ANKRD13C: variants seen among roughly 807,000 people sequenced by gnomAD.
ANKRD13C encodes the protein ankyrin repeat domain 13C, also known as ankyrin repeat domain-containing protein 13C.
Under a neutral mutation model 65.5 loss-of-function variants are expected in ANKRD13C, and 16 were observed. The observed-to-expected ratio is 0.24, with a 90% confidence interval of 0.17 to 0.37. The LOEUF (loss-of-function observed/expected upper bound fraction) is 0.37. ANKRD13C is among the 10% of genes least tolerant of loss of function. ANKRD13C has a pLI of 1.00. For synonymous variants in ANKRD13C, 235 were observed against 238.7 expected (o/e 0.98, Z 0.14); for missense variants, 503 against 655.9 (o/e 0.77, Z 2.55).
At chr1:70,302,015 T>A (rs1413901093) in intron 6 of ANKRD13C, among the ~76,000 whole-genome samples, 3 of 152,180 alleles carry the variant, frequency 2.0e-5, no homozygotes, top group Non-Finnish European at 4.4e-5. Context: ...ACTGTAAGAA[T>A]TCATTACTCT....
At chr1:70,346,320 A>T (rs1047703296) in intron 1 of ANKRD13C, among the ~76,000 whole-genome samples, 1 of 152,204 alleles carries the variant, frequency 6.6e-6, no homozygotes. Context: ...TTTAATTTTT[A>T]AAAATTAAAA....
chr1:70,306,316 A>C, intron 5 of ANKRD13C, 26 bp from the exon 6 acceptor site: 2 of 1,441,498 alleles, frequency 1.4e-6, no homozygotes, highest in South Asian at 2.9e-5. Context: ...CAAAAGGTAA[A>C]AAATAACTAC....
intron 3 of ANKRD13C, among the ~76,000 whole-genome samples, chr1:70,318,977 G>T (rs997420433): frequency 6.6e-6 from 1 of 151,916 alleles, no homozygotes; most frequent in Non-Finnish European, 1.5e-5. Flanking sequence ...CACCACGCCC[G>T]GCTAAACCTT....
In ANKRD13C at chr1:70,354,362, C is replaced by A. The variant is rs751986704; in HGVS notation, c.47G>T (p.Ser16Ile). The change falls in exon 1 of 13, where the codon AGC becomes ATC. Residue 16 changes from serine (S) to isoleucine (I), a missense_variant. Transcript: ENST00000370944. Reference sequence around the variant, plus strand: ...CTCCAGCAGGTCCCCTTCTTCTTTGCTGGGCTTGTGGTCCCTCCGCAGTGA... The same window carrying A: ...CTCCAGCAGGTCCCCTTCTTCTTTGATGGGCTTGTGGTCCCTCCGCAGTGA... ...IRSLRRDHKP[S>I]KEEGDLLEPG... 6.2e-7 allele frequency: 1 copy of A among 1,614,130 alleles called. No homozygotes were observed. Among genetic ancestry groups the A allele is most frequent in the Non-Finnish European group, 8.5e-7 (1 of 1,180,010 alleles).
chr1:70,346,975 C>CCT (rs1682554731), intron 1 of ANKRD13C, among the ~76,000 whole-genome samples: 1 of 151,608 alleles, frequency 6.6e-6, no homozygotes, highest in Non-Finnish European at 1.5e-5. Context: ...GCCTGTAGTC[C>CCT]CAGCTACTCG....
chr1:70,302,252 T>C (rs1680387562), intron 6 of ANKRD13C, among the ~76,000 whole-genome samples: 1 of 151,906 alleles, frequency 6.6e-6, no homozygotes, highest in African/African-American at 2.4e-5. Flanking sequence ...GGAAGTATGG[T>C]TGCCTTATGT....
chr1:70,319,607 C>CAAAAAAA (rs1180827448), intron 3 of ANKRD13C, among the ~76,000 whole-genome samples: 14 of 121,174 alleles, frequency 1.2e-4, no homozygotes, highest in African/African-American at 4.5e-4. Context: ...AACTCCATCT[C>CAAAAAAA]AAAAAAAAAA....
chr1:70,354,488 T>G lies in ANKRD13C; in HGVS notation c.-80A>C. 4 of 1,499,702 alleles carry G rather than the reference T, an allele frequency of 2.7e-6. No individual in the cohort carries two copies. The highest frequency in any genetic ancestry group is 2.7e-6 in the Non-Finnish European group (3 of 1,127,754). 92.9% of individuals were successfully genotyped at this position (1,499,702 alleles called of 1,614,324 possible). On this transcript the variant is annotated 5_prime_UTR_variant, in exon 1 of 13. An upstream open reading frame in the 5' UTR loses its in-frame stop. Transcript: ENST00000370944. ...CTGGCGCTGCGGCGGCACAAGGCGA[T>G]TAGAGCGGTGGCCAAGAGCCTCCAG...
At chr1:70,334,652 CG>C (rs1372502411) in intron 2 of ANKRD13C, among the ~76,000 whole-genome samples, 5 of 151,948 alleles carry the variant, frequency 3.3e-5, no homozygotes, top group African/African-American at 1.2e-4. Context: ...AGGCCAGGCA[CG>C]GTGGCTCATG....
intron 9 of ANKRD13C, among the ~76,000 whole-genome samples, chr1:70,282,193 T>C (rs549503440): frequency 2.6e-5 from 4 of 151,416 alleles, no homozygotes; most frequent in East Asian, 4.0e-4. Flanking sequence ...TAGCTGGGAC[T>C]ACAGGTGTCC....
chr1:70,290,506 T>C (rs1460262005), intron 9 of ANKRD13C, among the ~76,000 whole-genome samples: 2 of 151,942 alleles, frequency 1.3e-5, no homozygotes, highest in African/African-American at 2.4e-5. Context: ...TAGTAATGAC[T>C]CTCAGTATGT....
chr1:70,345,435 A>C (rs918981434), intron 1 of ANKRD13C, among the ~76,000 whole-genome samples: 3 of 152,148 alleles, frequency 2.0e-5, no homozygotes, highest in African/African-American at 7.2e-5. Flanking sequence ...GTCTCAAAAA[A>C]AAAAAAAGAT....
At chr1:70,283,716 G>A (rs959401736) in intron 9 of ANKRD13C, among the ~76,000 whole-genome samples, 7 of 152,016 alleles carry the variant, frequency 4.6e-5, no homozygotes, top group Admixed American at 1.3e-4. Context: ...GCTGAGGCAG[G>A]AGAATTGCTT....
At position 70,315,585 on chromosome 1, in the gene ANKRD13C, A is replaced by G. The variant is rs1336988997; in HGVS notation, c.578-19T>C. 1.3e-6 allele frequency: 2 copies of G among 1,579,934 alleles called. No individual in the cohort carries two copies. Among genetic ancestry groups the G allele is most frequent in the Non-Finnish European group, 1.7e-6 (2 of 1,160,008 alleles). On this transcript the variant is annotated intron_variant, in intron 3 of 12. Transcript: ENST00000370944. ...GCTGTAACTAAAGTTTAAATTTTAA[A>G]AATAACTAATTTAAATTTTCATCAT...
intron 2 of ANKRD13C, among the ~76,000 whole-genome samples, chr1:70,327,949 C>T (rs1023953955): frequency 2.0e-4 from 30 of 152,068 alleles, no homozygotes; most frequent in African/African-American, 7.2e-4. Flanking sequence ...CCTGTAATCC[C>T]AGCTACTACG....
intron 2 of ANKRD13C, among the ~76,000 whole-genome samples, chr1:70,328,659 C>CAATA (rs757096149): frequency 5.9e-5 from 9 of 151,942 alleles, no homozygotes; most frequent in East Asian, 3.9e-4. Flanking sequence ...GAGACTGACT[C>CAATA]AATAAATAAA....
At chr1:70,318,501 A>T (rs1681163002) in intron 3 of ANKRD13C, among the ~76,000 whole-genome samples, 1 of 152,094 alleles carries the variant, frequency 6.6e-6, no homozygotes, top group Admixed American at 6.6e-5. Context: ...ACTACAGTTG[A>T]TTCAAACCCA....
At chr1:70,350,978 C>T (rs567481878) in intron 1 of ANKRD13C, among the ~76,000 whole-genome samples, 56 of 152,224 alleles carry the variant, frequency 3.7e-4, no homozygotes, top group Non-Finnish European at 5.9e-4. Flanking sequence ...CTGGACAACA[C>T]GGTGAAACCC....
chr1:70,273,178 C>T (rs1678970626), intron 11 of ANKRD13C, among the ~76,000 whole-genome samples: 1 of 152,054 alleles, frequency 6.6e-6, no homozygotes, highest in Non-Finnish European at 1.5e-5. Context: ...ATCTACTTAT[C>T]TAAAGCCTAG....
Sources: gnomAD v4.1 joint callset for allele counts (sites outside exome capture counted in the v4.1 genomes callset) on GRCh38, gnomAD v4.1.1 for gene constraint, MANE v1.5 for transcripts, NCBI Gene and HGNC (gene_info 2026-07-23, HGNC 2026-07-21) for gene names.